CPXM2: variants seen among roughly 807,000 people sequenced by gnomAD.
The protein encoded by CPXM2 is carboxypeptidase X, M14 family member 2.
Under a neutral mutation model 86.1 loss-of-function variants are expected in CPXM2, and 66 were observed. The ratio of observed to expected loss-of-function variants is 0.77; its 90% CI spans 0.63 to 0.94. The LOEUF (loss-of-function observed/expected upper bound fraction) is 0.94, where lower values mean the gene tolerates loss of function less well. Among genes scored for constraint, CPXM2 ranks in the 40% least tolerant of loss-of-function variants. The pLI is 0.00. For synonymous variants in CPXM2, 388 were observed against 400.2 expected (o/e 0.97, Z 0.36); for missense variants, 948 against 1,026.3 (o/e 0.92, Z 1.04).
At chr10:123,923,463 C>T (rs1273018788) in intron 2 of CPXM2, among the ~76,000 whole-genome samples, 22 of 150,044 alleles carry the variant, frequency 1.5e-4, no homozygotes, top group African/African-American at 4.0e-4. Context: ...CGCCTGTAGT[C>T]CCAGCTACTC....
rs1848953263 is a variant in CPXM2 at position 123,865,336 on chromosome 10, G to T, written c.404-2613C>A. 6.6e-6 allele frequency among the ~76,000 whole-genome samples: 1 copy of T among 152,188 alleles called. No homozygotes were observed. On this transcript the variant is annotated intron_variant, in intron 2 of 13. Coordinates refer to ENST00000241305, the MANE Select transcript of CPXM2 (RefSeq NM_198148.3). This position sits in a 1 kb window ranked among gnomAD's most constrained non-coding sequence, Gnocchi z 4.7. ...CACACAGAGAAAACACAATGTCCTT[G>T]AAAGGCAAAGACAGAGTTACTGATC... is the stretch of plus-strand genomic sequence containing the variant.
Position 123,799,161 on chromosome 10 carries a change from T to C in CPXM2, c.692A>G (p.Asn231Ser). 2 of 1,614,184 alleles carry C rather than the reference T, an allele frequency of 1.2e-6. No individual in the cohort carries two copies. The highest frequency in any genetic ancestry group is 1.7e-6 in the Non-Finnish European group (2 of 1,180,028). ...WVTSYKVMVSNDSHTWVTVKN... is the reference protein window; with the variant it reads ...WVTSYKVMVSSDSHTWVTVKN... Reference sequence around the variant, plus strand: ...AACAGTGACCCACGTGTGGCTGTCATTGCTCACCATGACCTTATAGGATGT... The same window carrying C: ...AACAGTGACCCACGTGTGGCTGTCACTGCTCACCATGACCTTATAGGATGT... The change falls in exon 5 of 14, where the codon AAT becomes AGT. Residue 231 changes from asparagine to serine, a missense_variant. Transcript: ENST00000241305.
chr10:123,844,620 C>T (rs1254410704), intron 3 of CPXM2, among the ~76,000 whole-genome samples: 2 of 152,040 alleles, frequency 1.3e-5, no homozygotes, highest in African/African-American at 4.8e-5. Flanking sequence ...CTGTGTTCTT[C>T]TCTCAAAAGT....
intron 2 of CPXM2, among the ~76,000 whole-genome samples, chr10:123,900,538 G>A (rs1292392288): frequency 6.6e-6 from 1 of 152,186 alleles, no homozygotes; most frequent in African/African-American, 2.4e-5. Context: ...TATTAGCTGG[G>A]CAAAAATCAG....
At chr10:123,836,574 G>A (rs1426383985) in intron 4 of CPXM2, among the ~76,000 whole-genome samples, 1 of 152,128 alleles carries the variant, frequency 6.6e-6, no homozygotes, top group African/African-American at 2.4e-5. Context: ...CACCCACAGA[G>A]CCCTCTCTGC....
At chr10:123,853,782 G>A (rs1375195077) in intron 3 of CPXM2, among the ~76,000 whole-genome samples, 1 of 152,142 alleles carries the variant, frequency 6.6e-6, no homozygotes, top group Non-Finnish European at 1.5e-5. Context: ...GCACGTGCCT[G>A]TAATCCCAGC....
intron 3 of CPXM2, among the ~76,000 whole-genome samples, chr10:123,854,395 TTATA>T (rs1172976597): frequency 8.6e-6 from 1 of 116,764 alleles, no homozygotes; most frequent in Admixed American, 1.0e-4. Flanking sequence ...AATATATATA[TTATA>T]TATATATTAT....
intron 4 of CPXM2, among the ~76,000 whole-genome samples, chr10:123,837,669 G>A (rs1848307142): frequency 6.6e-6 from 1 of 152,058 alleles, no homozygotes; most frequent in African/African-American, 2.4e-5. Context: ...TTTCATAATT[G>A]TGAGAAGTAT....
In CPXM2 at chr10:123,865,719, T is replaced by A. The variant is rs1306248256; in HGVS notation, c.404-2996A>T. Among the ~76,000 whole-genome samples, 1 of 152,182 alleles carries A rather than the reference T, an allele frequency of 6.6e-6. No individual in the cohort carries two copies. The highest frequency in any genetic ancestry group is 1.5e-5 in the Non-Finnish European group (1 of 68,036). ...CGACATGGGGCACGGGACGGGCACC[T>A]GCAGCTACTGCCCAGAGCTGAGGGT... On this transcript the variant is annotated intron_variant, in intron 2 of 13. Transcript: ENST00000241305. The surrounding 1 kb of genome is among the most constrained non-coding windows in gnomAD (Gnocchi z 4.7).
At chr10:123,750,896 TTC>T (rs1236320370) in intron 13 of CPXM2, 1 of 985,342 alleles carries the variant, frequency 1.0e-6, no homozygotes. Context: ...GGCTCTCACT[TTC>T]TCTGCTTCTG....
intron 3 of CPXM2, among the ~76,000 whole-genome samples, chr10:123,848,198 T>C (rs961851362): frequency 6.6e-6 from 1 of 152,210 alleles, no homozygotes; most frequent in Admixed American, 6.5e-5. Context: ...AAGTAAGTAA[T>C]CTGCCATAAA....
At chr10:123,910,214 C>T (rs570477421) in intron 2 of CPXM2, among the ~76,000 whole-genome samples, 1 of 152,340 alleles carries the variant, frequency 6.6e-6, no homozygotes, top group Admixed American at 6.5e-5. Context: ...TTTGGTTGCT[C>T]ACCCATGCCA....
chr10:123,866,734 C>T (rs1033594431), intron 2 of CPXM2, among the ~76,000 whole-genome samples: 1 of 152,188 alleles, frequency 6.6e-6, no homozygotes, highest in African/African-American at 2.4e-5. Flanking sequence ...CAATCATCTT[C>T]CAATGTCTGC....
chr10:123,820,427 T>A (rs895802476), intron 4 of CPXM2, among the ~76,000 whole-genome samples: 2 of 152,156 alleles, frequency 1.3e-5, no homozygotes, highest in African/African-American at 4.8e-5. Context: ...GCCCCTAAAC[T>A]CACTGACACA....
intron 11 of CPXM2, among the ~76,000 whole-genome samples, chr10:123,761,495 T>C (rs1030377728): frequency 6.6e-6 from 1 of 152,178 alleles, no homozygotes; most frequent in African/African-American, 2.4e-5. Flanking sequence ...GGTTGGGGTT[T>C]CTTTTTGTTG....
At chr10:123,802,421 C>T (rs902928795) in intron 4 of CPXM2, among the ~76,000 whole-genome samples, 1 of 152,184 alleles carries the variant, frequency 6.6e-6, no homozygotes, top group East Asian at 1.9e-4. Context: ...AGGCTTTGTT[C>T]ATTTTGTTTC....
At chr10:123,787,381 C>T (rs563912709) in intron 6 of CPXM2, among the ~76,000 whole-genome samples, 1 of 152,206 alleles carries the variant, frequency 6.6e-6, no homozygotes, top group South Asian at 2.1e-4. Flanking sequence ...CTGCTCACTA[C>T]ATGAGACTTT....
chr10:123,853,486 C>G (rs1848644922), intron 3 of CPXM2, among the ~76,000 whole-genome samples: 1 of 152,210 alleles, frequency 6.6e-6, no homozygotes, highest in South Asian at 2.1e-4. Flanking sequence ...TTGCTAAGTG[C>G]TCAGGGCTCT....
chr10:123,774,318 G>A (rs72843005), intron 7 of CPXM2, among the ~76,000 whole-genome samples: 10,074 of 152,308 alleles, frequency 0.066, 397 homozygotes, highest in South Asian at 0.11. Context: ...AACTGAGTGC[G>A]TTCTAGCAAG....
Sources: gnomAD v4.1 joint callset for allele counts (sites outside exome capture counted in the v4.1 genomes callset) on GRCh38, gnomAD v4.1.1 for gene constraint, Gnocchi (gnomAD v3.1) non-coding constraint, MANE v1.5 for transcripts, NCBI Gene and HGNC (gene_info 2026-07-23, HGNC 2026-07-21) for gene names.